Variants in AUH observed in about 807,000 individuals in gnomAD.
AUH encodes methylglutaconyl-CoA hydratase, mitochondrial.
Under a neutral mutation model 42.3 loss-of-function variants are expected in AUH, and 29 were observed. The observed-to-expected ratio is 0.69, with a 90% CI of 0.51 to 0.93. The LOEUF is 0.93. Ranked by LOEUF, AUH falls within the 40% of genes least tolerant of loss-of-function variation. AUH has a pLI of 0.00. For missense variants in AUH, 452 were observed against 438.1 expected, an observed-to-expected ratio of 1.03 and a Z score of -0.28; for synonymous variants, 174 against 166.4, an observed-to-expected ratio of 1.05 and a Z score of -0.35.
intron 3 of AUH, among the ~76,000 whole-genome samples, chr9:91,351,622 G>C (rs778317343): frequency 2.6e-5 from 4 of 152,180 alleles, no homozygotes; most frequent in Non-Finnish European, 4.4e-5. Context: ...GTTAGGAACC[G>C]GTGACACAGC....
At chr9:91,313,028 G>A (rs957944326) in intron 4 of AUH, among the ~76,000 whole-genome samples, 2 of 151,860 alleles carry the variant, frequency 1.3e-5, no homozygotes, top group Non-Finnish European at 2.9e-5. Context: ...CAGGACAAGA[G>A]GAAAAAAAAC....
intron 6 of AUH, chr9:91,294,642 C>G (rs373300671): frequency 8.9e-6 from 4 of 451,536 alleles, no homozygotes; most frequent in East Asian, 7.0e-5. Flanking sequence ...AAATTGAAAA[C>G]CTTCTGGAAA....
chr9:91,345,578 A>G lies in AUH; in HGVS notation c.418+10305T>C, dbSNP rs1412519849. On this transcript the variant is annotated intron_variant, in intron 3 of 9. Transcript: ENST00000375731. Reference sequence around the variant, plus strand: ...GCCAGGCGTGGTGGCTCACGCCTGTAATCCCAGCACTTTGGGAGGCCGAGG... The same window carrying G: ...GCCAGGCGTGGTGGCTCACGCCTGTGATCCCAGCACTTTGGGAGGCCGAGG... 2.0e-5 allele frequency among the ~76,000 whole-genome samples: 3 copies of G among 152,252 alleles called. No homozygotes were observed. In the East Asian group the frequency reaches 5.8e-4, roughly 29 times the overall value.
At chr9:91,287,122 A>G (rs1366349041) in intron 6 of AUH, among the ~76,000 whole-genome samples, 1 of 152,172 alleles carries the variant, frequency 6.6e-6, no homozygotes, top group Non-Finnish European at 1.5e-5. Flanking sequence ...ATCATGTTTC[A>G]GGTTAAAAGA....
At chr9:91,314,090 T>C (rs1451849752) in intron 4 of AUH, among the ~76,000 whole-genome samples, 3 of 152,068 alleles carry the variant, frequency 2.0e-5, no homozygotes, top group Non-Finnish European at 1.5e-5. Context: ...TCCCAAAGTG[T>C]TAGGACTGCA....
chr9:91,314,573 T>C, intron 4 of AUH, among the ~76,000 whole-genome samples: 1 of 142,944 alleles, frequency 7.0e-6, no homozygotes, highest in Non-Finnish European at 1.5e-5. Context: ...CCCTTGAAAA[T>C]AATGAGAAAT....
chr9:91,334,006 G>A (rs1402052199), intron 3 of AUH, among the ~76,000 whole-genome samples: 1 of 152,188 alleles, frequency 6.6e-6, no homozygotes, highest in Non-Finnish European at 1.5e-5. Flanking sequence ...AGAGTTTTAT[G>A]ACAGGGTACA....
At chr9:91,236,794 T>C (rs1288765414) in intron 6 of AUH, among the ~76,000 whole-genome samples, 1 of 152,168 alleles carries the variant, frequency 6.6e-6, no homozygotes, top group East Asian at 1.9e-4. Context: ...CTGGAATAAA[T>C]TTTCTGTGTT....
At chr9:91,260,148 T>G (rs1014443540) in intron 6 of AUH, among the ~76,000 whole-genome samples, 3 of 152,168 alleles carry the variant, frequency 2.0e-5, no homozygotes, top group Admixed American at 1.3e-4. Context: ...TTAACATAGC[T>G]GCTCCAGCTT....
intron 6 of AUH, among the ~76,000 whole-genome samples, chr9:91,239,111 T>A (rs1009138002): frequency 6.6e-6 from 1 of 152,134 alleles, no homozygotes; most frequent in Non-Finnish European, 1.5e-5. Context: ...TTATAAAGTA[T>A]GTTTTAGTAA....
chr9:91,328,405 G>A (rs1830104025), intron 3 of AUH, among the ~76,000 whole-genome samples: 2 of 152,210 alleles, frequency 1.3e-5, no homozygotes, highest in Admixed American at 1.3e-4. Context: ...GAGCAACTAA[G>A]GCAGCCAGGA....
At chr9:91,352,959 C>G (rs781060158) in intron 3 of AUH, among the ~76,000 whole-genome samples, 26 of 151,998 alleles carry the variant, frequency 1.7e-4, no homozygotes, top group Admixed American at 3.3e-4. Context: ...CAAGGTATCA[C>G]TGGAATACAG....
chr9:91,327,692 C>T (rs746388353), intron 3 of AUH, among the ~76,000 whole-genome samples: 2 of 152,212 alleles, frequency 1.3e-5, no homozygotes, highest in Non-Finnish European at 2.9e-5. Flanking sequence ...TGCCCCTGGC[C>T]GGCTCGCCAA....
At chr9:91,253,433 G>C (rs1467921451) in intron 6 of AUH, among the ~76,000 whole-genome samples, 1 of 152,160 alleles carries the variant, frequency 6.6e-6, no homozygotes, top group Non-Finnish European at 1.5e-5. Context: ...CAAACTCTGT[G>C]AAAGCAGAAA....
chr9:91,319,994 T>C (rs1429890652), intron 4 of AUH, among the ~76,000 whole-genome samples: 1 of 152,204 alleles, frequency 6.6e-6, no homozygotes, highest in Non-Finnish European at 1.5e-5. Flanking sequence ...GGTCGAATTC[T>C]TTCTTCTGAG....
intron 6 of AUH, among the ~76,000 whole-genome samples, chr9:91,255,196 G>T (rs191698343): frequency 6.6e-6 from 1 of 152,092 alleles, no homozygotes; most frequent in African/African-American, 2.4e-5. Context: ...GTTAAATGTT[G>T]GCATGATATT....
intron 3 of AUH, among the ~76,000 whole-genome samples, chr9:91,332,606 T>A (rs560398105): frequency 4.6e-5 from 7 of 152,158 alleles, no homozygotes; most frequent in Non-Finnish European, 8.8e-5. Context: ...TCATAAATGG[T>A]TGCGGCTTGT....
At chr9:91,233,269 C>T (rs1827992542) in intron 6 of AUH, among the ~76,000 whole-genome samples, 1 of 152,116 alleles carries the variant, frequency 6.6e-6, no homozygotes, top group Non-Finnish European at 1.5e-5. Flanking sequence ...AGCAAGGATT[C>T]CCACACAGGT....
chr9:91,271,672 C>A (rs1227591845), intron 6 of AUH, among the ~76,000 whole-genome samples: 1 of 152,118 alleles, frequency 6.6e-6, no homozygotes, highest in African/African-American at 2.4e-5. Flanking sequence ...AATACAAAAT[C>A]TTCAATATGC....
Sources: allele counts gnomAD v4.1 joint callset (sites outside exome capture counted in the v4.1 genomes callset), GRCh38; gene constraint gnomAD v4.1.1; transcripts MANE v1.5; gene names NCBI Gene and HGNC (gene_info 2026-07-23, HGNC 2026-07-21).